Variants in TRIM71 observed in about 807,000 individuals in gnomAD.
TRIM71 encodes the protein E3 ubiquitin-protein ligase TRIM71.
A neutral mutation model predicts 61.2 loss-of-function variants in TRIM71; 9 were observed. The observed-to-expected ratio is 0.15, with a 90% CI of 0.09 to 0.26. TRIM71 has a LOEUF of 0.26. Among genes scored for constraint, TRIM71 ranks in the 10% least tolerant of loss-of-function variants. The pLI is 1.00. For synonymous variants in TRIM71, 645 were observed against 553.2 expected (o/e 1.17, Z -2.33); for missense variants, 998 against 1,238.7 (o/e 0.81, Z 2.92).
In TRIM71 at chr3:32,818,037, C is replaced by T. The variant is rs996880494; in HGVS notation, c.-44C>T. ...TCGTCCGCTCTCTCCTCCTCCTCCT[C>T]CTCTTCCTCTCTGGTCTCCTCCCTC... is the stretch of plus-strand genomic sequence containing the variant. On this transcript the variant is annotated 5_prime_UTR_variant, in exon 1 of 4. Coordinates refer to ENST00000383763, the MANE Select transcript of TRIM71 (RefSeq NM_001039111.3). 8 of 1,585,888 alleles carry T rather than the reference C, an allele frequency of 5.0e-6. No individual in the cohort carries two copies. Among genetic ancestry groups the T allele is most frequent in the African/African-American group, 1.4e-5 (1 of 73,782 alleles).
intron 1 of TRIM71, among the ~76,000 whole-genome samples, chr3:32,842,919 A>G (rs1192006294): frequency 6.6e-6 from 1 of 151,884 alleles, no homozygotes; most frequent in Admixed American, 6.6e-5. Flanking sequence ...ATGGTCATAA[A>G]TGACCCTCTC....
chr3:32,820,576 G>A (rs1696115967), intron 1 of TRIM71, among the ~76,000 whole-genome samples: 2 of 152,316 alleles, frequency 1.3e-5, no homozygotes, highest in South Asian at 2.1e-4. Context: ...CAAATGCAGG[G>A]TGAGCAGAAT....
chr3:32,854,097 T>C (rs1696570145), intron 1 of TRIM71, among the ~76,000 whole-genome samples: 2 of 152,104 alleles, frequency 1.3e-5, no homozygotes, highest in African/African-American at 2.4e-5. Flanking sequence ...CAAGTAATTC[T>C]CATGCCTGAG....
intron 1 of TRIM71, among the ~76,000 whole-genome samples, chr3:32,838,675 A>G (rs1696363544): frequency 1.3e-5 from 2 of 152,152 alleles, no homozygotes; most frequent in Admixed American, 1.3e-4. Flanking sequence ...TTGCTTGTAG[A>G]GGCTAGTGAA....
intron 1 of TRIM71, among the ~76,000 whole-genome samples, chr3:32,850,989 A>G (rs761539213): frequency 5.9e-5 from 9 of 152,216 alleles, no homozygotes; most frequent in Non-Finnish European, 1.2e-4. Flanking sequence ...ACACAAAATG[A>G]AAAACAAATT....
intron 1 of TRIM71, among the ~76,000 whole-genome samples, chr3:32,833,359 A>C (rs1370313802): frequency 6.6e-6 from 1 of 152,102 alleles, no homozygotes; most frequent in Non-Finnish European, 1.5e-5. Flanking sequence ...GCTCTGGGGA[A>C]ACAGCAGAGA....
At position 32,893,266 on chromosome 3, in the gene TRIM71, A is replaced by G. The variant is rs1697046188; in HGVS notation, c.*1455A>G. ...GTCCCAACCTGAAATGTAGGATGTA[A>G]TGTCTTTTCTTAAACCTGTAACTCG... On this transcript the variant is annotated 3_prime_UTR_variant, in exon 4 of 4. Transcript: ENST00000383763. 6.6e-6 allele frequency: 1 copy of G among 151,566 alleles called. No homozygotes were observed. Among genetic ancestry groups the G allele is most frequent in the African/African-American group, 2.4e-5 (1 of 41,184 alleles). The allele number at this position is 151,566 out of a possible 1,614,324, so 9.4% of individuals were successfully genotyped here.
intron 2 of TRIM71, among the ~76,000 whole-genome samples, chr3:32,883,760 T>G (rs1210510190): frequency 6.6e-6 from 1 of 152,128 alleles, no homozygotes; most frequent in Non-Finnish European, 1.5e-5. Context: ...AATATAAAAT[T>G]TATAGATTGT....
intron 3 of TRIM71, among the ~76,000 whole-genome samples, chr3:32,887,209 G>C (rs954272423): frequency 6.6e-6 from 1 of 152,088 alleles, no homozygotes; most frequent in Non-Finnish European, 1.5e-5. Flanking sequence ...GGTTTCTGCC[G>C]CTTTCACCTT....
intron 1 of TRIM71, among the ~76,000 whole-genome samples, chr3:32,855,281 C>T (rs1184459584): frequency 3.4e-5 from 5 of 148,770 alleles, no homozygotes; most frequent in Non-Finnish European, 5.9e-5. Flanking sequence ...AAAGTTAAGT[C>T]GGGTAAGGGG....
rs1477089546 is a variant in TRIM71, at chr3:32,818,337, C to T, written c.257C>T (p.Pro86Leu). The T allele has an allele frequency of 9.7e-6, 14 of 1,449,254 alleles. No individual in the cohort carries two copies. The highest frequency in any genetic ancestry group is 1.2e-5 in the Non-Finnish European group (13 of 1,105,760). The allele number at this position is 1,449,254 out of a possible 1,614,324, so 89.8% of individuals were successfully genotyped here. Residue 86 changes from proline (P) to leucine (L), a missense_variant, in exon 1 of 4, where the codon CCG becomes CTG. Pro to Leu is a moderately conservative substitution (Grantham distance 98, BLOSUM62 -3). This residue lies in a region of TRIM71 where 527 missense variants were observed against 427.8 expected (regional missense o/e 1.23). Coordinates refer to ENST00000383763, the MANE Select transcript of TRIM71 (RefSeq NM_001039111.3). Reference protein sequence around the residue: ...PAAGGGAAGEPLKLRCPVCDQ... With the variant: ...PAAGGGAAGELLKLRCPVCDQ... ...GCGGGCGGCGGCGCGGCGGGAGAGC[C>T]GCTCAAGCTGCGCTGCCCCGTGTGC... is the stretch of plus-strand genomic sequence containing the variant.
intron 1 of TRIM71, among the ~76,000 whole-genome samples, chr3:32,856,700 C>T (rs769290741): frequency 2.0e-5 from 3 of 152,330 alleles, no homozygotes; most frequent in Non-Finnish European, 4.4e-5. Flanking sequence ...AATCTCTCAA[C>T]GTTCTTTTCA....
intron 1 of TRIM71, among the ~76,000 whole-genome samples, chr3:32,845,557 TC>T (rs1012193975): frequency 7.9e-5 from 12 of 152,172 alleles, no homozygotes; most frequent in African/African-American, 2.9e-4. Context: ...ACAAACCCTT[TC>T]TTTAACTCAG....
Position 32,818,705 on chromosome 3 carries a change from T to G in TRIM71, c.625T>G (p.Ser209Ala). The change falls in exon 1 of 4, where the codon TCT becomes GCT. Residue 209 changes from serine to alanine, a missense_variant. Coordinates refer to ENST00000383763, the MANE Select transcript of TRIM71 (RefSeq NM_001039111.3). ...CSSCDEGNAA[S>A]SRCLDCQEHL... is the part of the protein sequence containing the mutation. ...CTCGTGCGATGAGGGCAACGCAGCT[T>G]CTTCGCGCTGCCTCGACTGCCAGGA... The G allele has an allele frequency of 1.9e-6, 3 of 1,586,124 alleles. No individual in the cohort carries two copies. Among genetic ancestry groups the G allele is most frequent in the Non-Finnish European group, 2.6e-6 (3 of 1,172,936 alleles).
intron 1 of TRIM71, among the ~76,000 whole-genome samples, chr3:32,867,639 G>A (rs1225521884): frequency 1.3e-5 from 2 of 152,046 alleles, no homozygotes; most frequent in Non-Finnish European, 2.9e-5. Context: ...TATTTATTGT[G>A]TACAACATGT....
chr3:32,891,943 T>C lies in TRIM71; in HGVS notation c.*132T>C, dbSNP rs184505834. Reference sequence around the variant, plus strand: ...AGGGAAATTTCTTTTTTCTTTTTTTTTTTTAAAGAGAACAAGAAAAGTACA... The same window carrying C: ...AGGGAAATTTCTTTTTTCTTTTTTTCTTTTAAAGAGAACAAGAAAAGTACA... On this transcript the variant is annotated 3_prime_UTR_variant, in exon 4 of 4. Coordinates refer to ENST00000383763, the MANE Select transcript of TRIM71 (RefSeq NM_001039111.3). This position sits in a 1 kb window ranked among gnomAD's most constrained non-coding sequence, Gnocchi z 8.2. 3.7e-6 allele frequency: 5 copies of C among 1,345,946 alleles called. No homozygotes were observed. In the East Asian group the frequency reaches 7.7e-5, roughly 21 times the overall value. 83.4% of individuals were successfully genotyped at this position (1,345,946 alleles called of 1,614,324 possible).
chr3:32,884,619 G>A (rs533909923), intron 2 of TRIM71, among the ~76,000 whole-genome samples: 1 of 152,046 alleles, frequency 6.6e-6, no homozygotes, highest in Non-Finnish European at 1.5e-5. Flanking sequence ...TGATCGCCAT[G>A]GGGTAGAAGG....
At chr3:32,851,720 C>T (rs969209808) in intron 1 of TRIM71, among the ~76,000 whole-genome samples, 4 of 152,160 alleles carry the variant, frequency 2.6e-5, no homozygotes, top group Non-Finnish European at 5.9e-5. Context: ...CTCAGGTGGT[C>T]TGCCTGCCTT....
chr3:32,853,359 C>A (rs1351563045), intron 1 of TRIM71, among the ~76,000 whole-genome samples: 1 of 152,062 alleles, frequency 6.6e-6, no homozygotes, highest in East Asian at 1.9e-4. Context: ...CCTCGTGATC[C>A]GCCCACCTGA....
Sources: allele counts gnomAD v4.1 joint callset (sites outside exome capture counted in the v4.1 genomes callset), GRCh38; gene constraint gnomAD v4.1.1; regional missense constraint gnomAD v4.1.1; non-coding constraint Gnocchi (gnomAD v3.1); transcripts MANE v1.5; gene names NCBI Gene and HGNC (gene_info 2026-07-23, HGNC 2026-07-21).